NAALADL2: variants seen among roughly 807,000 people sequenced by gnomAD.
NAALADL2 encodes the protein inactive N-acetylated-alpha-linked acidic dipeptidase-like protein 2.
In NAALADL2, 76 loss-of-function variants were observed where a neutral mutation model predicts 87.2. That is an observed-to-expected ratio of 0.87 (90% CI 0.72 to 1.05). The LOEUF (loss-of-function observed/expected upper bound fraction) is 1.05. Ranked by LOEUF, NAALADL2 falls within the 50% of genes least tolerant of loss-of-function variation. NAALADL2 has a pLI of 0.00. For synonymous variants in NAALADL2, 354 were observed against 331.0 expected (o/e 1.07, Z -0.75); for missense variants, 1,089 against 945.8 (o/e 1.15, Z -1.99).
At chr3:175,360,304 T>G (rs1285170470) in intron 5 of NAALADL2, among the ~76,000 whole-genome samples, 1 of 152,158 alleles carries the variant, frequency 6.6e-6, no homozygotes, top group Non-Finnish European at 1.5e-5. Context: ...ATTTCCCAAG[T>G]TACACAAACT....
At chr3:175,277,790 C>T (rs12634588) in intron 4 of NAALADL2, among the ~76,000 whole-genome samples, 28,948 of 151,896 alleles carry the variant, frequency 0.19, 3,359 homozygotes, top group East Asian at 0.49. Context: ...TACCATTTAC[C>T]CTCCTATCTC....
Position 175,525,919 on chromosome 3 carries a change from C to G in NAALADL2, c.1654-50122C>G, listed in dbSNP as rs182035379. 4.7e-3 allele frequency among the ~76,000 whole-genome samples: 719 copies of G among 152,226 alleles called. 6 individuals are homozygous for G. The highest frequency in any genetic ancestry group is 0.017 in the African/African-American group (687 of 41,552). ...GTAACACTTTAGCATTAGTCTTTCTCTAAGGGATATAAAAGCCAACGCTGA... is the reference window on the plus strand; with the variant it reads ...GTAACACTTTAGCATTAGTCTTTCTGTAAGGGATATAAAAGCCAACGCTGA... On this transcript the variant is annotated intron_variant, in intron 9 of 13. Transcript: ENST00000454872.
upstream of NAALADL2, among the ~76,000 whole-genome samples, chr3:174,858,687 G>A (rs548960659): frequency 2.0e-4 from 31 of 152,024 alleles, no homozygotes; most frequent in African/African-American, 7.2e-4. Context: ...GGAAGAAGAA[G>A]GAAAAGGAAG....
At chr3:174,802,638 C>A (rs1206576623) in intron 3 of NAALADL2, among the ~76,000 whole-genome samples, 1 of 152,174 alleles carries the variant, frequency 6.6e-6, no homozygotes. Context: ...CCCCAGCCCA[C>A]CACCTCCCGA....
chr3:174,465,521 A>G (rs1043280078), intron 1 of NAALADL2, among the ~76,000 whole-genome samples: 4 of 152,210 alleles, frequency 2.6e-5, no homozygotes, highest in Non-Finnish European at 4.4e-5. Context: ...ATGAATTTAA[A>G]TGTTTCCAAA....
chr3:175,447,010 A>G (rs1431812606), intron 5 of NAALADL2, among the ~76,000 whole-genome samples: 1 of 152,194 alleles, frequency 6.6e-6, no homozygotes, highest in Non-Finnish European at 1.5e-5. Flanking sequence ...GCAATCTGCC[A>G]TCTTTAACTA....
At chr3:174,798,667 T>C (rs1718433664) in intron 3 of NAALADL2, among the ~76,000 whole-genome samples, 1 of 152,124 alleles carries the variant, frequency 6.6e-6, no homozygotes, top group Admixed American at 6.5e-5. Context: ...TGTATTTTAT[T>C]TTTTGATGCT....
At chr3:175,117,093 C>T (rs562509760) in intron 2 of NAALADL2, among the ~76,000 whole-genome samples, 6 of 152,038 alleles carry the variant, frequency 3.9e-5, no homozygotes, top group Non-Finnish European at 8.8e-5. Flanking sequence ...CTTCCTTACA[C>T]CTTGTACAAA....
At chr3:174,691,397 G>A (rs186698700) in intron 2 of NAALADL2, among the ~76,000 whole-genome samples, 2 of 151,224 alleles carry the variant, frequency 1.3e-5, no homozygotes, top group African/African-American at 4.8e-5. Context: ...GGGTGACAGA[G>A]TGAGACTCTG....
intron 11 of NAALADL2, among the ~76,000 whole-genome samples, chr3:175,736,168 A>G (rs1484896018): frequency 6.6e-6 from 1 of 152,176 alleles, no homozygotes; most frequent in Non-Finnish European, 1.5e-5. Flanking sequence ...CAGCCTATTA[A>G]GCAGATGCTA....
chr3:175,414,250 G>T (rs1405676169), intron 5 of NAALADL2, among the ~76,000 whole-genome samples: 1 of 152,148 alleles, frequency 6.6e-6, no homozygotes, highest in Non-Finnish European at 1.5e-5. Flanking sequence ...GAGAAAAAAC[G>T]CAGGGAGCCA....
At chr3:175,219,584 T>C (rs1743031385) in intron 2 of NAALADL2, among the ~76,000 whole-genome samples, 1 of 152,172 alleles carries the variant, frequency 6.6e-6, no homozygotes, top group Admixed American at 6.5e-5. Flanking sequence ...CTCTTTTGTC[T>C]AACCAAGATA....
At chr3:174,784,544 A>G (rs1338685960) in intron 3 of NAALADL2, among the ~76,000 whole-genome samples, 1 of 152,252 alleles carries the variant, frequency 6.6e-6, no homozygotes, top group African/African-American at 2.4e-5. Flanking sequence ...TAAGTGTATT[A>G]AAGATGTGAC....
At chr3:174,594,561 A>G (rs541318249) in intron 2 of NAALADL2, among the ~76,000 whole-genome samples, 7 of 152,232 alleles carry the variant, frequency 4.6e-5, no homozygotes, top group Non-Finnish European at 7.4e-5. Flanking sequence ...ATTTTCCTCA[A>G]TTGAGTTGCG....
intron 1 of NAALADL2, among the ~76,000 whole-genome samples, chr3:174,933,524 C>G (rs1475627228): frequency 6.6e-6 from 1 of 152,146 alleles, no homozygotes; most frequent in African/African-American, 2.4e-5. Context: ...TTTAGACCAA[C>G]TATGTTGTTC....
chr3:175,553,182 A>G (rs1378289042), intron 9 of NAALADL2, among the ~76,000 whole-genome samples: 1 of 152,150 alleles, frequency 6.6e-6, no homozygotes, highest in Non-Finnish European at 1.5e-5. Flanking sequence ...CTAAGTCAAT[A>G]TATCAGTTAT....
Position 174,746,587 on chromosome 3 carries a change from AAT to A in NAALADL2, c.-9+8842_-9+8843del, listed in dbSNP as rs535609592. 2.3e-3 allele frequency among the ~76,000 whole-genome samples: 353 copies of A among 152,274 alleles called. 2 individuals carry two copies. Among genetic ancestry groups the A allele is most frequent in the African/African-American group, 8.1e-3 (336 of 41,562 alleles). On this transcript the variant is annotated intron_variant, in intron 3 of 3. Transcript: ENST00000434257. Reference sequence around the variant, plus strand: ...CAGAATTAGAAAAAAAAAGCTTTAAAATTTATATAAAACGAAAAAAGAGTTGA... The same window carrying A: ...CAGAATTAGAAAAAAAAAGCTTTAAATTATATAAAACGAAAAAAGAGTTGA...
intron 3 of NAALADL2, among the ~76,000 whole-genome samples, chr3:174,842,423 CTA>C (rs761559530): frequency 8.6e-4 from 131 of 152,184 alleles, no homozygotes; most frequent in Admixed American, 3.7e-3. Context: ...TTTTGGGAGA[CTA>C]TGAAAATATG....
rs565258263 is a variant in NAALADL2, at chr3:175,779,033, A to C, written c.2189+23615A>C. ...ATATTAGGCTGAACAAAGAATAGTA[A>C]ATTGTGGAAAAGCGGCAAGACAGAG... On this transcript the variant is annotated intron_variant, in intron 13 of 13. Transcript: ENST00000454872. Among the ~76,000 whole-genome samples, 6 of 152,216 alleles carry C rather than the reference A, an allele frequency of 3.9e-5. No individual in the cohort carries two copies. The South Asian group carries it at 1.0e-3, about 26-fold the overall frequency.
Sources: gnomAD v4.1 joint callset for allele counts (sites outside exome capture counted in the v4.1 genomes callset) on GRCh38, gnomAD v4.1.1 for gene constraint, MANE v1.5 for transcripts, NCBI Gene and HGNC (gene_info 2026-07-23, HGNC 2026-07-21) for gene names.